GSE1: variants seen among roughly 807,000 people sequenced by gnomAD.
GSE1 encodes the protein Gse1 coiled-coil protein, also known as genetic suppressor element 1.
Under a neutral mutation model 112.6 loss-of-function variants are expected in GSE1, and 32 were observed. The ratio of observed to expected loss-of-function variants is 0.28; its 90% CI spans 0.21 to 0.38. GSE1 has a LOEUF of 0.38. GSE1 is among the 10% of genes least tolerant of loss of function. The pLI, the probability that GSE1 is intolerant of heterozygous loss-of-function variation, is 1.00. For synonymous variants in GSE1, 1,115 were observed against 735.6 expected (o/e 1.52, Z -8.35); for missense variants, 2,348 against 1,699.2 (o/e 1.38, Z -6.71).
At chr16:85,425,445 G>A (rs938663881) in intron 2 of GSE1, among the ~76,000 whole-genome samples, 14 of 152,130 alleles carry the variant, frequency 9.2e-5, no homozygotes, top group Non-Finnish European at 1.3e-4. Context: ...CTGGAGCTGC[G>A]AGTGTCAGGG....
chr16:85,421,015 C>A (rs2048830911), intron 2 of GSE1, among the ~76,000 whole-genome samples: 1 of 152,200 alleles, frequency 6.6e-6, no homozygotes, highest in Non-Finnish European at 1.5e-5. Context: ...CTCAGTGGCC[C>A]CCTCTGTAAA....
intron 2 of GSE1, among the ~76,000 whole-genome samples, chr16:85,374,473 A>C (rs192847671): frequency 5.3e-5 from 8 of 149,934 alleles, no homozygotes; most frequent in Non-Finnish European, 1.2e-4. Context: ...GTGCACATGT[A>C]TGATTGTGTG....
intron 1 of GSE1, among the ~76,000 whole-genome samples, chr16:85,616,337 C>T (rs749249613): frequency 2.6e-5 from 4 of 152,208 alleles, no homozygotes; most frequent in Non-Finnish European, 5.9e-5. Flanking sequence ...TGCGGATAAG[C>T]TAGAGGGCTG....
intron 1 of GSE1, among the ~76,000 whole-genome samples, chr16:85,232,186 G>A (rs967033293): frequency 6.6e-6 from 1 of 152,230 alleles, no homozygotes; most frequent in African/African-American, 2.4e-5. Context: ...AGCGAGCCAA[G>A]CATTTTTATG....
At chr16:85,530,092 A>G (rs2044089863) in intron 2 of GSE1, among the ~76,000 whole-genome samples, 2 of 152,330 alleles carry the variant, frequency 1.3e-5, no homozygotes, top group South Asian at 4.1e-4. Context: ...CTGGTAGGAA[A>G]TGGCAGGACT....
intron 2 of GSE1, among the ~76,000 whole-genome samples, chr16:85,502,265 C>T (rs983165750): frequency 1.3e-5 from 2 of 152,160 alleles, no homozygotes; most frequent in Admixed American, 6.5e-5. Flanking sequence ...TAGGTGCGCA[C>T]AGTGGAGTTC....
At chr16:85,402,730 T>C (rs369013084) in intron 2 of GSE1, among the ~76,000 whole-genome samples, 4 of 152,206 alleles carry the variant, frequency 2.6e-5, no homozygotes. Context: ...AAGACCAGCC[T>C]GGACAACATA....
intron 1 of GSE1, among the ~76,000 whole-genome samples, chr16:85,200,326 A>G (rs527483441): frequency 6.6e-6 from 1 of 150,530 alleles, no homozygotes; most frequent in East Asian, 2.0e-4. Flanking sequence ...CCTCACCTTT[A>G]TCTAGTAATC....
At chr16:85,570,188 G>T (rs559674912) in intron 1 of GSE1, among the ~76,000 whole-genome samples, 20 of 152,316 alleles carry the variant, frequency 1.3e-4, no homozygotes, top group African/African-American at 4.1e-4. Flanking sequence ...CTTCCAAGGT[G>T]GGGGGAGTTC....
chr16:85,302,856 T>C (rs2045565706), intron 1 of GSE1, among the ~76,000 whole-genome samples: 1 of 152,212 alleles, frequency 6.6e-6, no homozygotes, highest in Non-Finnish European at 1.5e-5. Flanking sequence ...ACCCTGCGTC[T>C]TCAGTGGCGT....
chr16:85,174,546 A>G (rs891331553), intron 1 of GSE1, among the ~76,000 whole-genome samples: 1 of 152,158 alleles, frequency 6.6e-6, no homozygotes, highest in Non-Finnish European at 1.5e-5. Flanking sequence ...CTTCCCATTC[A>G]TTCAACAAAT....
chr16:85,588,313 A>G (rs1465698890), intron 1 of GSE1, among the ~76,000 whole-genome samples: 4 of 152,154 alleles, frequency 2.6e-5, no homozygotes, highest in African/African-American at 9.7e-5. Flanking sequence ...GGGCCTTGAG[A>G]GAGGCAGCAC....
chr16:85,654,614 C>T (rs115743277), intron 4 of GSE1, among the ~76,000 whole-genome samples, 164 bp downstream of exon 4: 257 of 152,304 alleles, frequency 1.7e-3, no homozygotes, highest in African/African-American at 6.0e-3. Context: ...TGCCCCTTCA[C>T]ACTGAGGTGG....
At chr16:85,634,296 G>C (rs2049803924) in intron 2 of GSE1, among the ~76,000 whole-genome samples, 164 bp downstream of exon 2, 1 of 152,268 alleles carries the variant, frequency 6.6e-6, no homozygotes, top group African/African-American at 2.4e-5. Context: ...CCCTGGGCCA[G>C]TCCGCCTGCC....
intron 2 of GSE1, among the ~76,000 whole-genome samples, chr16:85,480,340 G>A (rs971191919): frequency 2.0e-5 from 3 of 152,178 alleles, no homozygotes; most frequent in Non-Finnish European, 2.9e-5. Flanking sequence ...CCTGGGCGAC[G>A]TCTTCTGCAT....
At chr16:85,578,421 T>C (rs950418230) in intron 1 of GSE1, among the ~76,000 whole-genome samples, 6 of 152,304 alleles carry the variant, frequency 3.9e-5, no homozygotes, top group Admixed American at 1.3e-4. Context: ...CTGGTTCCCA[T>C]TTCACATGTG....
intron 15 of GSE1, 80 bp from the exon 16 acceptor site, chr16:85,672,325 C>T (rs1232953371): frequency 4.8e-6 from 5 of 1,033,392 alleles, no homozygotes; most frequent in East Asian, 2.5e-5. Context: ...TTTACCCTTC[C>T]ATCCAGCATG....
chr16:85,302,665 A>G (rs2045560314), intron 1 of GSE1, among the ~76,000 whole-genome samples: 1 of 152,196 alleles, frequency 6.6e-6, no homozygotes, highest in South Asian at 2.1e-4. Context: ...TCTGAATCAA[A>G]AGAGCTGATT....
intron 2 of GSE1, among the ~76,000 whole-genome samples, chr16:85,530,142 C>T (rs1379632476): frequency 6.6e-6 from 1 of 152,228 alleles, no homozygotes; most frequent in Non-Finnish European, 1.5e-5. Context: ...CGTCCTGCCT[C>T]CTCCGGCCCC....
Sources: gnomAD v4.1 joint callset for allele counts (sites outside exome capture counted in the v4.1 genomes callset) on GRCh38, gnomAD v4.1.1 for gene constraint, MANE v1.5 for transcripts, NCBI Gene and HGNC (gene_info 2026-07-23, HGNC 2026-07-21) for gene names.